RTL4: variants seen among roughly 807,000 people sequenced by gnomAD.
RTL4 encodes retrotransposon Gag-like protein 4.
Under a neutral mutation model 5.3 loss-of-function variants are expected in RTL4, and 4 were observed. The ratio of observed to expected loss-of-function variants is 0.75; its 90% CI spans 0.37 to 1.72. The LOEUF (loss-of-function observed/expected upper bound fraction) is 1.72. RTL4 is among the 40% of genes most tolerant of loss of function. The pLI, the probability that RTL4 is intolerant of heterozygous loss-of-function variation, is 0.04. For synonymous variants in RTL4, 98 were observed against 87.3 expected (o/e 1.12, Z -0.68); for missense variants, 260 against 227.1 (o/e 1.14, Z -0.93).
chrX:112,138,707 T>G, the RTL4 span, among the ~76,000 whole-genome samples: 1 of 111,917 alleles, frequency 8.9e-6, no homozygotes, highest in Admixed American at 9.5e-5. Context: ...GTTTGTCAAA[T>G]TTTAGAATTA....
At chrX:112,283,092 T>C in the RTL4 span, among the ~76,000 whole-genome samples, 24 of 111,825 alleles carry the variant, frequency 2.1e-4, no homozygotes, top group African/African-American at 7.1e-4. Context: ...AAAACAACCA[T>C]GTAGAAAGGG....
chrX:112,180,980 C>T, the RTL4 span, among the ~76,000 whole-genome samples: 11 of 111,630 alleles, frequency 9.9e-5, no homozygotes, highest in East Asian at 5.6e-4. Context: ...CTGAGGTACC[C>T]GGCTCATCTC....
At chrX:112,321,058 C>G in the RTL4 span, among the ~76,000 whole-genome samples, 1 of 111,147 alleles carries the variant, frequency 9.0e-6, no homozygotes, top group South Asian at 3.8e-4. Context: ...TTTCAGGGAA[C>G]TATTTGTTTC....
At chrX:112,220,613 G>C in the RTL4 span, among the ~76,000 whole-genome samples, 1 of 112,582 alleles carries the variant, frequency 8.9e-6, no homozygotes, top group Non-Finnish European at 1.9e-5. Context: ...CTATTGCATT[G>C]TCAGGCTGCA....
chrX:112,176,384 C>T, the RTL4 span, among the ~76,000 whole-genome samples: 1 of 111,158 alleles, frequency 9.0e-6, no homozygotes, highest in Non-Finnish European at 1.9e-5. Flanking sequence ...AAGTGATTTC[C>T]CCCTTTCCAC....
chrX:112,178,338 A>G, the RTL4 span, among the ~76,000 whole-genome samples: 24 of 111,075 alleles, frequency 2.2e-4, no homozygotes, highest in African/African-American at 7.9e-4. Context: ...GATGCCAAAA[A>G]GCTATCTCTT....
chrX:112,136,571 C>A, the RTL4 span, among the ~76,000 whole-genome samples: 2 of 111,914 alleles, frequency 1.8e-5, no homozygotes, highest in African/African-American at 6.5e-5. Context: ...ATCCCATATT[C>A]GTGGACTGTA....
chrX:112,353,613 CAT>C, the RTL4 span, among the ~76,000 whole-genome samples: 27 of 110,326 alleles, frequency 2.4e-4, no homozygotes, highest in Non-Finnish European at 4.4e-4. Flanking sequence ...TGTTCTCACT[CAT>C]AGGTGGGAAT....
the RTL4 span, among the ~76,000 whole-genome samples, chrX:112,284,801 G>A: frequency 9.0e-6 from 1 of 111,421 alleles, no homozygotes; most frequent in African/African-American, 3.3e-5. Context: ...ATTGTCCCAG[G>A]TGTCATCAAT....
At chrX:112,184,978 C>T in the RTL4 span, among the ~76,000 whole-genome samples, 3 of 111,261 alleles carry the variant, frequency 2.7e-5, no homozygotes, top group East Asian at 8.5e-4. Context: ...CTGGACAGCC[C>T]CTAATTTCAC....
the RTL4 span, among the ~76,000 whole-genome samples, chrX:112,431,787 A>G: frequency 9.3e-6 from 1 of 107,744 alleles, no homozygotes; most frequent in Non-Finnish European, 1.9e-5. Flanking sequence ...TGTGCAGGTT[A>G]GTTACATTTG....
the RTL4 span, among the ~76,000 whole-genome samples, chrX:112,268,607 A>T: frequency 9.0e-6 from 1 of 111,135 alleles, no homozygotes; most frequent in Non-Finnish European, 1.9e-5. Context: ...TGCTCTGCTC[A>T]CCAGGCCCTG....
chrX:112,323,382 A>G, the RTL4 span, among the ~76,000 whole-genome samples: 8 of 111,980 alleles, frequency 7.1e-5, no homozygotes, highest in African/African-American at 2.6e-4. Context: ...TTTATGTGTA[A>G]TAACCTTGTG....
chrX:112,182,497 T>C, the RTL4 span, among the ~76,000 whole-genome samples: 1 of 111,945 alleles, frequency 8.9e-6, no homozygotes, highest in African/African-American at 3.3e-5. Context: ...ATAAATGACC[T>C]GATAGACCTG....
At chrX:112,276,993 C>T in the RTL4 span, among the ~76,000 whole-genome samples, 3 of 111,469 alleles carry the variant, frequency 2.7e-5, no homozygotes, top group Non-Finnish European at 5.6e-5. Context: ...GTTTGAGCAC[C>T]GAATGTTTCT....
chrX:112,147,662 G>A, the RTL4 span, among the ~76,000 whole-genome samples: 1 of 112,324 alleles, frequency 8.9e-6, no homozygotes, highest in African/African-American at 3.2e-5. Flanking sequence ...CTCTGGCCTG[G>A]GTGTTGTGGC....
chrX:112,327,730 G>A, the RTL4 span, among the ~76,000 whole-genome samples: 2 of 110,934 alleles, frequency 1.8e-5, no homozygotes, highest in African/African-American at 6.6e-5. Context: ...TGAAATGAAG[G>A]AAAAAATGTT....
chrX:112,130,971 A>G, the RTL4 span, among the ~76,000 whole-genome samples: 2 of 100,960 alleles, frequency 2.0e-5, no homozygotes, highest in Non-Finnish European at 3.9e-5. Context: ...TTTTTTTTGT[A>G]TTTTTTTTTA....
At chrX:112,410,832 T>C in the RTL4 span, among the ~76,000 whole-genome samples, 52 of 110,760 alleles carry the variant, frequency 4.7e-4, no homozygotes, top group East Asian at 0.015. Context: ...GAATGAGAAA[T>C]GCAAGGACAA....
Sources: gnomAD v4.1 joint callset for allele counts (sites outside exome capture counted in the v4.1 genomes callset) on GRCh38, gnomAD v4.1.1 for gene constraint, MANE v1.5 for transcripts, NCBI Gene and HGNC (gene_info 2026-07-23, HGNC 2026-07-21) for gene names.